GNAL: variants seen among roughly 807,000 people sequenced by gnomAD.
The protein encoded by GNAL is G protein subunit alpha L.
GNAL carries 18 observed loss-of-function variants against 55.1 expected under a neutral mutation model. The ratio of observed to expected loss-of-function variants is 0.33; its 90% CI spans 0.23 to 0.48. The LOEUF (loss-of-function observed/expected upper bound fraction) is 0.48, where lower values mean the gene tolerates loss of function less well. Among genes scored for constraint, GNAL ranks in the 20% least tolerant of loss-of-function variants. The pLI, the probability that GNAL is intolerant of heterozygous loss-of-function variation, is 0.99. For synonymous variants in GNAL, 253 were observed against 237.0 expected, an observed-to-expected ratio of 1.07 and a Z score of -0.62; for missense variants, 412 against 614.1, an observed-to-expected ratio of 0.67 and a Z score of 3.48.
Position 11,868,487 on chromosome 18 carries a change from G to T in GNAL, c.911-56G>T. ...GTAGCTGCTGGGTGTGTACTTTCTT[G>T]TAACTCCACAGTGAGGATGTCTAAC... On this transcript the variant is annotated intron_variant, in intron 8 of 11. Coordinates refer to ENST00000334049, the MANE Select transcript of GNAL (RefSeq NM_182978.4). This position sits in a 1 kb window ranked among gnomAD's most constrained non-coding sequence, Gnocchi z 4.0. 6.7e-7 allele frequency: 1 copy of T among 1,503,166 alleles called. No individual in the cohort carries two copies. Among genetic ancestry groups the T allele is most frequent in the South Asian group, 1.2e-5 (1 of 82,754 alleles). The allele number at this position is 1,503,166 out of a possible 1,614,324, so 93.1% of individuals were successfully genotyped here. A position where few individuals can be genotyped will look rare whatever the true frequency, so the allele number is the denominator to read the frequency against.
chr18:11,840,850 C>T (rs1390116411), intron 5 of GNAL, among the ~76,000 whole-genome samples: 1 of 151,366 alleles, frequency 6.6e-6, no homozygotes, highest in Non-Finnish European at 1.5e-5. Flanking sequence ...ACGTAAATGA[C>T]ATTGAGGAAT....
chr18:11,769,006 A>ATATATAT (rs2033526109), intron 4 of GNAL, among the ~76,000 whole-genome samples: 1 of 100,640 alleles, frequency 9.9e-6, no homozygotes, highest in Non-Finnish European at 1.7e-5. Flanking sequence ...AATATAGAAT[A>ATATATAT]TATATATTCT....
intron 1 of GNAL, among the ~76,000 whole-genome samples, chr18:11,744,261 C>T (rs1487991827): frequency 6.6e-6 from 1 of 152,074 alleles, no homozygotes; most frequent in Non-Finnish European, 1.5e-5. Flanking sequence ...CTTCTAAAAG[C>T]TCCTTAATAT....
intron 1 of GNAL, among the ~76,000 whole-genome samples, chr18:11,713,663 GA>G: frequency 6.6e-6 from 1 of 152,082 alleles, no homozygotes. Context: ...TATCTAGAGC[GA>G]AAACAATCAT....
Position 11,868,905 on chromosome 18 carries a change from C to A in GNAL, c.1031+242C>A, listed in dbSNP as rs1222748894. 6.6e-6 allele frequency among the ~76,000 whole-genome samples: 1 copy of A among 151,812 alleles called. No homozygotes were observed. The highest frequency in any genetic ancestry group is 1.5e-5 in the Non-Finnish European group (1 of 67,958). On this transcript the variant is annotated intron_variant, in intron 9 of 11. Transcript: ENST00000334049. This position sits in a 1 kb window ranked among gnomAD's most constrained non-coding sequence, Gnocchi z 4.0. ...GCACACCTGCCCAGTGACTCAGGAGCTTGAGGTAGGGGGATCACTTGAGCC... is the reference window on the plus strand; with the variant it reads ...GCACACCTGCCCAGTGACTCAGGAGATTGAGGTAGGGGGATCACTTGAGCC...
At chr18:11,768,783 A>C (rs1447153515) in intron 4 of GNAL, among the ~76,000 whole-genome samples, 7 of 144,156 alleles carry the variant, frequency 4.9e-5, no homozygotes, top group African/African-American at 1.8e-4. Flanking sequence ...AGTCCCAGCT[A>C]CTCGGGAGGC....
chr18:11,863,060 GT>G (rs1310782940), intron 6 of GNAL, among the ~76,000 whole-genome samples: 1 of 152,032 alleles, frequency 6.6e-6, no homozygotes, highest in Non-Finnish European at 1.5e-5. Flanking sequence ...TGTATTTTTA[GT>G]GGAGACAGGG....
intron 5 of GNAL, among the ~76,000 whole-genome samples, chr18:11,849,137 T>TATC (rs1438821964): frequency 6.6e-6 from 1 of 152,226 alleles, no homozygotes; most frequent in Non-Finnish European, 1.5e-5. Flanking sequence ...TAGTTGTCAT[T>TATC]ATCATCATCA....
chr18:11,839,344 G>A (rs575801436), intron 5 of GNAL, among the ~76,000 whole-genome samples: 93 of 151,600 alleles, frequency 6.1e-4, no homozygotes, highest in African/African-American at 2.1e-3. Flanking sequence ...AGGAGTTTGA[G>A]AGCAGCCTGG....
intron 4 of GNAL, among the ~76,000 whole-genome samples, chr18:11,756,867 A>C (rs1029955194): frequency 1.3e-4 from 20 of 152,288 alleles, no homozygotes; most frequent in African/African-American, 4.8e-4. Context: ...AGTAAACAAA[A>C]CACTGTTTTA....
intron 4 of GNAL, among the ~76,000 whole-genome samples, chr18:11,791,024 G>A (rs1401476989): frequency 6.6e-6 from 1 of 152,020 alleles, no homozygotes; most frequent in Non-Finnish European, 1.5e-5. Flanking sequence ...CTACTATTTA[G>A]GATTTACAGA....
chr18:11,838,856 C>T (rs2035552491), intron 5 of GNAL, among the ~76,000 whole-genome samples: 1 of 152,188 alleles, frequency 6.6e-6, no homozygotes. Context: ...AGTACCCATA[C>T]TGAAAATATG....
At chr18:11,817,636 C>T (rs930185701) in intron 4 of GNAL, among the ~76,000 whole-genome samples, 3 of 152,138 alleles carry the variant, frequency 2.0e-5, no homozygotes, top group Admixed American at 6.5e-5. Flanking sequence ...ATTTCTTGCT[C>T]TGTCGCCCAG....
intron 9 of GNAL, among the ~76,000 whole-genome samples, chr18:11,871,421 T>C (rs1362924038): frequency 6.6e-6 from 1 of 152,090 alleles, no homozygotes; most frequent in Non-Finnish European, 1.5e-5. Context: ...CAGCTACTTT[T>C]TGTATTTTTA....
chr18:11,776,674 C>T (rs1212929928), intron 4 of GNAL, among the ~76,000 whole-genome samples: 5 of 146,332 alleles, frequency 3.4e-5, no homozygotes, highest in African/African-American at 1.3e-4. Context: ...CACCATTGCA[C>T]TCCAGCCTGG....
intron 4 of GNAL, among the ~76,000 whole-genome samples, chr18:11,812,163 G>C (rs2034833537): frequency 6.6e-6 from 1 of 152,200 alleles, no homozygotes; most frequent in Non-Finnish European, 1.5e-5. Flanking sequence ...TCCATCACTG[G>C]AGACTCGATT....
At chr18:11,705,648 C>T (rs1297953208) in intron 1 of GNAL, among the ~76,000 whole-genome samples, 2 of 151,986 alleles carry the variant, frequency 1.3e-5, no homozygotes, top group South Asian at 2.1e-4. Context: ...TAATGGCCAT[C>T]CTAACAGGTG....
Position 11,724,833 on chromosome 18 carries a change from G to C in GNAL, c.377-28020G>C, listed in dbSNP as rs376514134. 7.9e-5 allele frequency among the ~76,000 whole-genome samples: 12 copies of C among 152,282 alleles called. No individual in the cohort carries two copies. In the East Asian group the frequency reaches 1.4e-3, roughly 17 times the overall value. On this transcript the variant is annotated intron_variant, in intron 1 of 11. Transcript: ENST00000334049. Reference sequence around the variant, plus strand: ...TACCAAGGCCCAGGAGCAGGCCAAGGGTTGTTTCTTAAAAGGAAAGTCCTT... The same window carrying C: ...TACCAAGGCCCAGGAGCAGGCCAAGCGTTGTTTCTTAAAAGGAAAGTCCTT...
intron 5 of GNAL, among the ~76,000 whole-genome samples, chr18:11,842,050 T>G (rs56966565): frequency 6.6e-6 from 1 of 151,900 alleles, no homozygotes; most frequent in Non-Finnish European, 1.5e-5. Flanking sequence ...TCGACTCACC[T>G]CAACCTTCGC....
Sources: gnomAD v4.1 joint callset for allele counts (sites outside exome capture counted in the v4.1 genomes callset) on GRCh38, gnomAD v4.1.1 for gene constraint, Gnocchi (gnomAD v3.1) non-coding constraint, MANE v1.5 for transcripts, NCBI Gene and HGNC (gene_info 2026-07-23, HGNC 2026-07-21) for gene names.